TCF25: variants seen among roughly 807,000 people sequenced by gnomAD.
The protein encoded by TCF25 is ribosome quality control complex subunit TCF25.
A neutral mutation model predicts 83.1 loss-of-function variants in TCF25; 41 were observed. The ratio of observed to expected loss-of-function variants is 0.49; its 90% CI spans 0.38 to 0.64. TCF25 has a LOEUF of 0.64. Ranked by LOEUF, TCF25 falls within the 30% of genes least tolerant of loss-of-function variation. TCF25 has a pLI of 0.00. For synonymous variants in TCF25, 458 were observed against 365.0 expected (o/e 1.25, Z -2.90); for missense variants, 979 against 914.5 (o/e 1.07, Z -0.91).
chr16:89,889,476 C>T (rs1288015983), intron 5 of TCF25: 4 of 205,446 alleles, frequency 1.9e-5, no homozygotes, highest in Non-Finnish European at 4.0e-5. Context: ...CACGCCCAGC[C>T]AGACACATCC....
chr16:89,873,885 G>T, intron 1 of TCF25, 26 bp downstream of exon 1: 1 of 1,504,576 alleles, frequency 6.6e-7, no homozygotes, highest in South Asian at 1.2e-5. Context: ...GCCCGGGTGG[G>T]GGTGGGGTGG....
At chr16:89,894,462 G>A (rs1414899007) in intron 7 of TCF25, among the ~76,000 whole-genome samples, 10 of 152,150 alleles carry the variant, frequency 6.6e-5, no homozygotes, top group East Asian at 1.9e-4. Flanking sequence ...AGAGCTCCCC[G>A]TCATCTCCCT....
chr16:89,898,938 T>A, intron 11 of TCF25, 66 bp downstream of exon 11: 1 of 1,512,944 alleles, frequency 6.6e-7, no homozygotes, highest in Non-Finnish European at 9.1e-7. Context: ...GTTTTCTTGG[T>A]TCAGTATCTG....
intron 7 of TCF25, among the ~76,000 whole-genome samples, chr16:89,894,793 C>T (rs1023052710): frequency 2.0e-5 from 3 of 152,126 alleles, no homozygotes; most frequent in African/African-American, 4.8e-5. Flanking sequence ...TACAGGCACA[C>T]GCCACCACAC....
chr16:89,908,619 CCTCCCAG>C (rs2045238529), intron 16 of TCF25, among the ~76,000 whole-genome samples: 5 of 47,236 alleles, frequency 1.1e-4, no homozygotes, highest in Non-Finnish European at 1.9e-4. Context: ...CCAGCTCCCA[CCTCCCAG>C]CTCCCACCTC....
chr16:89,902,534 A>G (rs1407150121), intron 12 of TCF25, among the ~76,000 whole-genome samples: 2 of 145,198 alleles, frequency 1.4e-5, no homozygotes, highest in African/African-American at 5.0e-5. Context: ...CTAAAAATAC[A>G]AAAAATTAGC....
intron 16 of TCF25, chr16:89,909,610 G>C (rs2045372973): frequency 6.5e-6 from 1 of 153,320 alleles, no homozygotes; most frequent in Non-Finnish European, 1.4e-5. Context: ...CCCGGAAGGA[G>C]GGGGTTGCCG....
At chr16:89,910,928 G>A in intron 17 of TCF25, 152 bp from the exon 18 acceptor site, 1 of 1,169,182 alleles carries the variant, frequency 8.6e-7, no homozygotes. Flanking sequence ...ATTTGGTTTT[G>A]AGAGCTTCCT....
chr16:89,886,542 C>T (rs2043032389), intron 4 of TCF25, among the ~76,000 whole-genome samples: 1 of 152,060 alleles, frequency 6.6e-6, no homozygotes, highest in Non-Finnish European at 1.5e-5. Context: ...GTGGGCAGAT[C>T]ACCTGAGGTC....
Position 89,903,769 on chromosome 16 carries a change from C to T in TCF25, c.1382-349C>T, listed in dbSNP as rs544208768. ...TTGCAGTGAGCCGAGATTTCGCCAACGCACTCCAGCCTGAGCAACAGAGTG... is the reference window on the plus strand; with the variant it reads ...TTGCAGTGAGCCGAGATTTCGCCAATGCACTCCAGCCTGAGCAACAGAGTG... On this transcript the variant is annotated intron_variant, in intron 12 of 17. Coordinates refer to ENST00000263346, the MANE Select transcript of TCF25 (RefSeq NM_014972.3). 5.3e-5 allele frequency among the ~76,000 whole-genome samples: 8 copies of T among 152,150 alleles called. No homozygotes were observed. In the South Asian group the frequency reaches 8.3e-4, roughly 16 times the overall value.
At chr16:89,898,686 C>T (rs762787453) in intron 10 of TCF25, 37 bp downstream of exon 10, 3 of 1,612,200 alleles carry the variant, frequency 1.9e-6, no homozygotes, top group South Asian at 1.1e-5. Context: ...GTCCACGCTC[C>T]CTGTCCTGGC....
chr16:89,885,810 T>G, intron 3 of TCF25, 38 bp from the exon 4 acceptor site: 1 of 1,461,090 alleles, frequency 6.8e-7, no homozygotes, highest in Non-Finnish European at 9.6e-7. Context: ...TAAAATAATG[T>G]CAGTGTGGTG....
In TCF25 at chr16:89,875,820, C is replaced by CTTTTTTTTTTTTTT. The variant is rs1164528945; in HGVS notation, c.192+1976_192+1989dup. ...TACAGGCGTGAGCCACTGCGCCTGG[C>CTTTTTTTTTTTTTT]TTTTTTTTTTTTTTTTTTTTTTTTT... On this transcript the variant is annotated intron_variant, in intron 1 of 17. Coordinates refer to ENST00000263346, the MANE Select transcript of TCF25 (RefSeq NM_014972.3). Among the ~76,000 whole-genome samples the CTTTTTTTTTTTTTT allele has an allele frequency of 2.0e-4, 13 of 64,862 alleles. 1 individual carries two copies. Among genetic ancestry groups the CTTTTTTTTTTTTTT allele is most frequent in the South Asian group, 1.1e-3 (2 of 1,800 alleles). The allele number at this position is 64,862 out of a possible 152,430, so 42.6% of individuals were successfully genotyped here.
intron 16 of TCF25, among the ~76,000 whole-genome samples, chr16:89,908,626 G>C (rs62654256): frequency 0.017 from 165 of 9,854 alleles, no homozygotes; most frequent in Middle Eastern, 0.056. Context: ...CCACCTCCCA[G>C]CTCCCACCTC....
Position 89,883,351 on chromosome 16 carries a change from A to G in TCF25, c.193A>G (p.Ile65Val). 2 of 1,612,888 alleles carry G rather than the reference A, an allele frequency of 1.2e-6. No homozygotes were observed. Among genetic ancestry groups the G allele is most frequent in the Non-Finnish European group, 1.7e-6 (2 of 1,179,064 alleles). The part of the protein sequence containing the change: ...GVRVNNRFEL[I>V]NIDDLEDDPV... ...GCTCTTCTCCAACCTGTTTTTCCAG[A>G]TAAACATTGACGATCTTGAGGATGA... is the stretch of plus-strand genomic sequence containing the variant. The change falls in exon 2 of 18, where the codon ATA (isoleucine) becomes GTA (valine). Residue 65 changes from isoleucine to valine, a missense_variant and splice_region_variant. By Grantham distance (29) the Ile-to-Val change is conservative. Transcript: ENST00000263346.
chr16:89,894,345 AGC>A (rs2043665941), intron 7 of TCF25, among the ~76,000 whole-genome samples: 1 of 132,230 alleles, frequency 7.6e-6, no homozygotes, highest in African/African-American at 3.6e-5. Flanking sequence ...GCCCCTGGAC[AGC>A]TCCCCTTGCA....
Position 89,873,707 on chromosome 16 carries a change from C to T in TCF25, c.40C>T (p.Arg14Cys). ...RALRRLRGEQRGQEPLGPGAL... is the reference protein window; with the variant it reads ...RALRRLRGEQCGQEPLGPGAL... ...CCTCCGGAGGCTGAGGGGGGAACAG[C>T]GCGGCCAGGAGCCCCTCGGGCCCGG... The change falls in exon 1 of 18, where the codon CGC becomes TGC. Residue 14 changes from arginine (R) to cysteine (C), a missense_variant. Arg to Cys is a radical substitution (Grantham distance 180). Coordinates refer to ENST00000263346, the MANE Select transcript of TCF25 (RefSeq NM_014972.3). The T allele has an allele frequency of 1.2e-6, 2 of 1,609,646 alleles. No homozygotes were observed. The highest frequency in any genetic ancestry group is 1.1e-5 in the South Asian group (1 of 90,680).
At chr16:89,909,622 G>A (rs2045375750) in intron 16 of TCF25, 1 of 150,918 alleles carries the variant, frequency 6.6e-6, no homozygotes, top group Admixed American at 6.6e-5. Flanking sequence ...GGGTTGCCGT[G>A]AGCTGAGATC....
chr16:89,910,677 G>T lies in TCF25; in HGVS notation c.1872+14G>T, dbSNP rs747080597. On this transcript the variant is annotated intron_variant, in intron 17 of 17. Coordinates refer to ENST00000263346, the MANE Select transcript of TCF25 (RefSeq NM_014972.3). ...TATACCATGGAGGTAGGTTGAGCTC[G>T]TCCCAGCCCCTGCCTCCCCAGTGGG... 3.7e-6 allele frequency: 6 copies of T among 1,613,000 alleles called. No individual in the cohort carries two copies. The highest frequency in any genetic ancestry group is 1.1e-5 in the South Asian group (1 of 91,084).
Sources: allele counts gnomAD v4.1 joint callset (sites outside exome capture counted in the v4.1 genomes callset), GRCh38; gene constraint gnomAD v4.1.1; transcripts MANE v1.5; gene names NCBI Gene and HGNC (gene_info 2026-07-23, HGNC 2026-07-21).